DOCK11: variants seen among roughly 807,000 people sequenced by gnomAD.
DOCK11 encodes dedicator of cytokinesis protein 11.
A neutral mutation model predicts 169.1 loss-of-function variants in DOCK11; 70 were observed. That is an observed-to-expected ratio of 0.41 (90% CI 0.34 to 0.51). The LOEUF is 0.51. Ranked by LOEUF, DOCK11 falls within the 20% of genes least tolerant of loss-of-function variation. The pLI, the probability that DOCK11 is intolerant of heterozygous loss-of-function variation, is 0.10. For synonymous variants in DOCK11, 529 were observed against 541.3 expected, an observed-to-expected ratio of 0.98 and a Z score of 0.32; for missense variants, 1,166 against 1,538.8, an observed-to-expected ratio of 0.76 and a Z score of 4.05.
intron 44 of DOCK11, among the ~76,000 whole-genome samples, chrX:118,658,329 T>C (rs1452813939): frequency 8.9e-6 from 1 of 112,513 alleles, no homozygotes; most frequent in Non-Finnish European, 1.9e-5. Flanking sequence ...TAAATCAAGA[T>C]GGAATAAAAT....
At chrX:118,578,245 C>T (rs2013513273) in intron 12 of DOCK11, among the ~76,000 whole-genome samples, 1 of 111,776 alleles carries the variant, frequency 8.9e-6, no homozygotes, top group African/African-American at 3.3e-5. Context: ...GAAATGTACT[C>T]ACTTCGCATA....
rs558630495 is a variant in DOCK11 at position 118,656,664 on chromosome X, C to G, written c.4969+1703C>G. The stretch of plus-strand genomic sequence containing the variant: ...GAGAAATAGATTAATATTATCTCAT[C>G]TTTTTAATTAGAAATCTGGCCAGGC... On this transcript the variant is annotated intron_variant, in intron 44 of 52. Transcript: ENST00000276202. 3.6e-5 allele frequency among the ~76,000 whole-genome samples: 4 copies of G among 112,145 alleles called. No homozygotes were observed. In the South Asian group the frequency reaches 1.5e-3, roughly 42 times the overall value.
At chrX:118,599,317 A>G in intron 23 of DOCK11, 89 bp downstream of exon 23, 7 of 673,092 alleles carry the variant, frequency 1.0e-5, no homozygotes, top group Non-Finnish European at 1.6e-5. Flanking sequence ...GCAAACAGAC[A>G]GTTTAAAATA....
Position 118,588,459 on chromosome X carries a change from G to A in DOCK11, c.2027G>A (p.Ser676Asn). ...GTGGAATTCCGGGATTCAGATGAAA[G>A]TGACGCTAGTGCCCTAAAGGTTTGT... ...VCVEFRDSDE[S>N]DASALKCIYG... The change falls in exon 18 of 53, where the codon AGT becomes AAT. Residue 676 changes from serine to asparagine, a missense_variant. By Grantham distance (46) the Ser-to-Asn change is conservative. Coordinates refer to ENST00000276202, the MANE Select transcript of DOCK11 (RefSeq NM_144658.4). The A allele has an allele frequency of 8.4e-7, 1 of 1,188,962 alleles. No individual in the cohort carries two copies.
chrX:118,530,758 TGCATCATA>T (rs2011502363), intron 1 of DOCK11, among the ~76,000 whole-genome samples: 2 of 111,991 alleles, frequency 1.8e-5, no homozygotes, highest in Admixed American at 1.9e-4. Flanking sequence ...CTTACTCCAT[TGCATCATA>T]GCTCTTGATT....
Position 118,532,738 on chromosome X carries a change from G to A in DOCK11, c.103-9987G>A, listed in dbSNP as rs1044691562. 1.7e-4 allele frequency among the ~76,000 whole-genome samples: 16 copies of A among 95,088 alleles called. 1 individual carries two copies. Among genetic ancestry groups the A allele is most frequent in the Middle Eastern group, 0.015 (2 of 136 alleles). 82.6% of individuals were successfully genotyped at this position (95,088 alleles called of 115,157 possible). ...GGAGCTTGCAGTGAGCCGAGATCGCGCCACTGCACCCCAGCCTGGGCGACA... is the reference window on the plus strand; with the variant it reads ...GGAGCTTGCAGTGAGCCGAGATCGCACCACTGCACCCCAGCCTGGGCGACA... On this transcript the variant is annotated intron_variant, in intron 1 of 52. Transcript: ENST00000276202.
intron 13 of DOCK11, 113 bp from the exon 14 acceptor site, chrX:118,579,984 A>AT (rs2013573120): frequency 3.6e-6 from 2 of 561,554 alleles, no homozygotes; most frequent in Non-Finnish European, 5.4e-6. Flanking sequence ...ATTTCTATAT[A>AT]TTTTTTTGAG....
At chrX:118,530,678 C>G (rs763208646) in intron 1 of DOCK11, among the ~76,000 whole-genome samples, 2 of 112,310 alleles carry the variant, frequency 1.8e-5, no homozygotes, top group East Asian at 5.6e-4. Flanking sequence ...TCTGAACTGC[C>G]TTCACCAGTG....
chrX:118,647,665 T>A (rs2015737321), intron 40 of DOCK11, among the ~76,000 whole-genome samples: 1 of 53,816 alleles, frequency 1.9e-5, no homozygotes, highest in Non-Finnish European at 3.1e-5. Context: ...TATTATATAT[T>A]AATAATTATT....
chrX:118,676,592 C>T lies in DOCK11; in HGVS notation c.5315C>T (p.Ser1772Phe). 1 of 1,117,995 alleles carries T rather than the reference C, an allele frequency of 8.9e-7. No homozygotes were observed. Among genetic ancestry groups the T allele is most frequent in the Non-Finnish European group, 1.2e-6 (1 of 836,654 alleles). The allele number at this position is 1,117,995 out of a possible 1,213,427, so 92.1% of individuals were successfully genotyped here. A position where few individuals can be genotyped will look rare whatever the true frequency, so the allele number is the denominator to read the frequency against. Residue 1772 changes from serine to phenylalanine, a missense_variant and splice_region_variant, in exon 48 of 53, where the codon TCT becomes TTT. Transcript: ENST00000276202. ...TFFRVAFYGQ[S>F]FFEEEDGKEY... Reference sequence around the variant, plus strand: ...ATTATTTGTTTAACTTTATAATAGTCTTTTTTTGAAGAAGAAGATGGAAAG... The same window carrying T: ...ATTATTTGTTTAACTTTATAATAGTTTTTTTTTGAAGAAGAAGATGGAAAG...
intron 1 of DOCK11, among the ~76,000 whole-genome samples, chrX:118,516,596 A>C (rs1367362049): frequency 9.2e-6 from 1 of 108,640 alleles, no homozygotes; most frequent in Non-Finnish European, 1.9e-5. Flanking sequence ...ACCATGCCCA[A>C]GCTAATTTTT....
At chrX:118,606,866 A>G (rs2014519797) in intron 24 of DOCK11, among the ~76,000 whole-genome samples, 1 of 110,964 alleles carries the variant, frequency 9.0e-6, no homozygotes, top group African/African-American at 3.3e-5. Context: ...GGGGCTGAGC[A>G]ATCTATTAAA....
At chrX:118,521,784 T>A (rs1476929775) in intron 1 of DOCK11, among the ~76,000 whole-genome samples, 1 of 112,008 alleles carries the variant, frequency 8.9e-6, no homozygotes, top group African/African-American at 3.2e-5. Context: ...TCACATTGTA[T>A]TTGAGTAGTT....
intron 40 of DOCK11, among the ~76,000 whole-genome samples, chrX:118,648,578 T>C (rs1372931532): frequency 1.1e-5 from 1 of 91,428 alleles, no homozygotes; most frequent in Non-Finnish European, 2.1e-5. Context: ...TATACATATA[T>C]ATAAATATAT....
intron 40 of DOCK11, among the ~76,000 whole-genome samples, chrX:118,648,178 AG>A (rs1349589474): frequency 1.4e-5 from 1 of 69,126 alleles, no homozygotes; most frequent in African/African-American, 7.1e-5. Flanking sequence ...ATAATATAAT[AG>A]TAATATATAA....
At chrX:118,610,568 A>G in intron 28 of DOCK11, 150 bp downstream of exon 28, 2 of 562,604 alleles carry the variant, frequency 3.6e-6, no homozygotes, top group Non-Finnish European at 5.5e-6. Flanking sequence ...GCTATTGTGA[A>G]CAGTGCTGCA....
At chrX:118,682,214 C>A (rs930085986) in intron 51 of DOCK11, among the ~76,000 whole-genome samples, 13 of 110,077 alleles carry the variant, frequency 1.2e-4, no homozygotes, top group African/African-American at 4.0e-4. Flanking sequence ...TTGGACTCTG[C>A]CAAACTAGGG....
At chrX:118,607,725 A>G (rs1241131087) in intron 24 of DOCK11, among the ~76,000 whole-genome samples, 1 of 111,152 alleles carries the variant, frequency 9.0e-6, no homozygotes, top group East Asian at 2.8e-4. Context: ...TTTTATTCTC[A>G]CTAGAGGAGA....
At chrX:118,636,127 T>C (rs1337573106) in intron 35 of DOCK11, among the ~76,000 whole-genome samples, 1 of 111,377 alleles carries the variant, frequency 9.0e-6, no homozygotes, top group South Asian at 3.7e-4. Flanking sequence ...ATAAAAAGGA[T>C]CATTGATGCT....
Sources: allele counts gnomAD v4.1 joint callset (sites outside exome capture counted in the v4.1 genomes callset), GRCh38; gene constraint gnomAD v4.1.1; transcripts MANE v1.5; gene names NCBI Gene and HGNC (gene_info 2026-07-23, HGNC 2026-07-21).